The following RBM20 variants were observed in gnomAD, a reference collection of about 807,000 sequenced individuals.
The protein encoded by RBM20 is RNA binding motif protein 20.
In RBM20, 51 loss-of-function variants were observed where a neutral mutation model predicts 110.1. The observed-to-expected ratio is 0.46, with a 90% CI of 0.37 to 0.59. The LOEUF (loss-of-function observed/expected upper bound fraction) is 0.59. Ranked by LOEUF, RBM20 falls within the 20% of genes least tolerant of loss-of-function variation. The probability of loss-of-function intolerance (pLI) is 0.00; values close to 1 mark genes in which losing one functional copy is unlikely to be tolerated. For synonymous variants in RBM20, 589 were observed against 618.2 expected (o/e 0.95, Z 0.70); for missense variants, 1,512 against 1,574.9 (o/e 0.96, Z 0.68).
At position 110,781,145 on chromosome 10, in the gene RBM20, G is replaced by T. The variant is rs727504943; in HGVS notation, c.536G>T (p.Gly179Val). 1.9e-6 allele frequency: 3 copies of T among 1,551,636 alleles called. No homozygotes were observed. The highest frequency in any genetic ancestry group is 2.6e-6 in the Non-Finnish European group (3 of 1,147,000). ...IAFSPPSQTR[G>V]PGPSMNLPNQ... ...TTTTCACCCCCCAGCCAGACACGAG[G>T]CCCCGGACCCTCCATGAACCTTCCC... Residue 179 changes from glycine to valine, a missense_variant, in exon 2 of 14, where the codon GGC becomes GTC. By Grantham distance (109) the Gly-to-Val change is moderately radical. This residue lies in a region of RBM20 where 1,149 missense variants were observed against 1,169.4 expected (regional missense o/e 0.98). Coordinates refer to ENST00000369519, the MANE Select transcript of RBM20 (RefSeq NM_001134363.3).
chr10:110,769,167 GC>G (rs1199315948), intron 1 of RBM20, among the ~76,000 whole-genome samples: 2 of 152,178 alleles, frequency 1.3e-5, no homozygotes, highest in African/African-American at 4.8e-5. Context: ...TGGGACTCAA[GC>G]CCCAGTTCTT....
rs1452282601 is a variant in RBM20, at chr10:110,784,860, A to T, written c.1498A>T (p.Thr500Ser). The T allele has an allele frequency of 1.3e-6, 2 of 1,550,194 alleles. No individual in the cohort carries two copies. Among genetic ancestry groups the T allele is most frequent in the African/African-American group, 2.7e-5 (2 of 73,040 alleles). ...PARSFTQSSPTFPLASVGTTF... is the reference protein window; with the variant it reads ...PARSFTQSSPSFPLASVGTTF... The stretch of plus-strand genomic sequence containing the variant: ...AAGGTCATTCACTCAGTCAAGCCCC[A>T]CATTTCCTTTGGCTTCTGTGGGGAC... The change falls in exon 5 of 14, where the codon ACA becomes TCA. Residue 500 changes from threonine to serine, a missense_variant. Coordinates refer to ENST00000369519, the MANE Select transcript of RBM20 (RefSeq NM_001134363.3).
rs182300459 is a variant in RBM20, at chr10:110,711,448, A to T, written c.191+66803A>T. 3.3e-3 allele frequency among the ~76,000 whole-genome samples: 489 copies of T among 148,182 alleles called. 1 individual carries two copies. Among genetic ancestry groups the T allele is most frequent in the Non-Finnish European group, 4.7e-3 (318 of 67,436 alleles). On this transcript the variant is annotated intron_variant, in intron 1 of 13. Coordinates refer to ENST00000369519, the MANE Select transcript of RBM20 (RefSeq NM_001134363.3). ...CTGCAATAGCTCTTGCCTGGCTGGG[A>T]GGAGGGGACAAAAAGAATGTGGAAT...
intron 1 of RBM20, among the ~76,000 whole-genome samples, chr10:110,657,639 GTT>G (rs1862044027): frequency 6.6e-6 from 1 of 152,122 alleles, no homozygotes; most frequent in African/African-American, 2.4e-5. Flanking sequence ...CATCTATGTT[GTT>G]TCTTGTATCA....
At chr10:110,734,432 G>C (rs1843649555) in intron 1 of RBM20, among the ~76,000 whole-genome samples, 5 of 152,160 alleles carry the variant, frequency 3.3e-5, no homozygotes, top group Admixed American at 3.3e-4. Flanking sequence ...TTCAGATACA[G>C]TTTTGAGTAT....
intron 2 of RBM20, among the ~76,000 whole-genome samples, chr10:110,782,445 A>G (rs1254655749): frequency 1.3e-5 from 2 of 152,246 alleles, no homozygotes; most frequent in East Asian, 1.9e-4. Flanking sequence ...ACAGAGGTAT[A>G]TGATAGTATA....
intron 8 of RBM20, among the ~76,000 whole-genome samples, chr10:110,811,385 T>C (rs779022962): frequency 1.1e-4 from 16 of 152,214 alleles, no homozygotes; most frequent in Admixed American, 1.3e-4. Context: ...GCCTTCAGAG[T>C]GTATCTGTAT....
At chr10:110,783,721 C>T (rs1844383750) in intron 3 of RBM20, among the ~76,000 whole-genome samples, 1 of 152,214 alleles carries the variant, frequency 6.6e-6, no homozygotes, top group South Asian at 2.1e-4. Flanking sequence ...TCATTTTTTT[C>T]ATTGTAGTCA....
Position 110,812,962 on chromosome 10 carries a change from C to A in RBM20, c.2550+15C>A, listed in dbSNP as rs1844795043. 1 of 1,438,800 alleles carries A rather than the reference C, an allele frequency of 7.0e-7. No individual in the cohort carries two copies. Among genetic ancestry groups the A allele is most frequent in the Admixed American group, 2.9e-5 (1 of 34,418 alleles). The allele number at this position is 1,438,800 out of a possible 1,614,324, so 89.1% of individuals were successfully genotyped here. ...CAGAGAATGAGGTAATGATCAATTT[C>A]TTCCCCAGGTAAGGCGAGGCAGGCC... On this transcript the variant is annotated intron_variant, in intron 9 of 13. Coordinates refer to ENST00000369519, the MANE Select transcript of RBM20 (RefSeq NM_001134363.3).
chr10:110,733,597 G>A (rs566406975), intron 1 of RBM20, among the ~76,000 whole-genome samples: 1 of 152,324 alleles, frequency 6.6e-6, no homozygotes, highest in Non-Finnish European at 1.5e-5. Context: ...TTAATCAGGG[G>A]TGCATTCTCT....
At chr10:110,677,425 T>G (rs1862354745) in intron 1 of RBM20, among the ~76,000 whole-genome samples, 2 of 152,112 alleles carry the variant, frequency 1.3e-5, no homozygotes, top group Non-Finnish European at 2.9e-5. Context: ...TTCACGCCAT[T>G]CTCCTGCCGC....
At chr10:110,759,024 C>A (rs1469955893) in intron 1 of RBM20, among the ~76,000 whole-genome samples, 4 of 152,208 alleles carry the variant, frequency 2.6e-5, no homozygotes, top group Admixed American at 2.6e-4. Context: ...GTTAAAATCC[C>A]TGCTCAACAA....
chr10:110,731,351 T>C, intron 1 of RBM20, among the ~76,000 whole-genome samples: 1 of 152,216 alleles, frequency 6.6e-6, no homozygotes, highest in East Asian at 1.9e-4. Context: ...GGCAATTCAT[T>C]TGGTTCCTTG....
intron 1 of RBM20, among the ~76,000 whole-genome samples, chr10:110,768,179 A>G (rs1844134940): frequency 6.6e-6 from 1 of 152,218 alleles, no homozygotes; most frequent in Non-Finnish European, 1.5e-5. Context: ...AGATGGCAGC[A>G]GTACAGTCCA....
intron 1 of RBM20, among the ~76,000 whole-genome samples, chr10:110,662,887 G>T (rs1248782911): frequency 3.3e-5 from 5 of 152,038 alleles, no homozygotes; most frequent in Non-Finnish European, 5.9e-5. Flanking sequence ...TCCCTACATT[G>T]GACATCCCTC....
intron 3 of RBM20, 107 bp from the exon 4 acceptor site, chr10:110,784,234 T>C (rs1250324698): frequency 2.6e-6 from 2 of 783,868 alleles, no homozygotes; most frequent in Admixed American, 4.2e-5. Context: ...TGAACACCTG[T>C]TTTCAACTAT....
chr10:110,817,244 C>T (rs1198130578), intron 9 of RBM20, among the ~76,000 whole-genome samples: 2 of 152,202 alleles, frequency 1.3e-5, no homozygotes, highest in Non-Finnish European at 2.9e-5. Flanking sequence ...CTCCATTCTA[C>T]AGCTGCCATG....
intron 1 of RBM20, among the ~76,000 whole-genome samples, chr10:110,688,174 G>A (rs1862533571): frequency 6.6e-6 from 1 of 152,108 alleles, no homozygotes; most frequent in Non-Finnish European, 1.5e-5. Flanking sequence ...TTCCTTATCT[G>A]CAGTTTTGAA....
chr10:110,700,729 C>T (rs965138992), intron 1 of RBM20, among the ~76,000 whole-genome samples: 10 of 152,110 alleles, frequency 6.6e-5, no homozygotes, highest in Non-Finnish European at 7.4e-5. Context: ...TAAAAACCCT[C>T]TTTGGGCCAG....
Sources: gnomAD v4.1 joint callset for allele counts (sites outside exome capture counted in the v4.1 genomes callset) on GRCh38, gnomAD v4.1.1 for gene constraint, gnomAD v4.1.1 regional missense constraint, MANE v1.5 for transcripts, NCBI Gene and HGNC (gene_info 2026-07-23, HGNC 2026-07-21) for gene names.